The following CDK13 variants were observed in gnomAD, a reference collection of about 807,000 sequenced individuals.
CDK13 encodes cyclin dependent kinase 13.
A neutral mutation model predicts 137.6 loss-of-function variants in CDK13; 40 were observed. The ratio of observed to expected loss-of-function variants is 0.29; its 90% CI spans 0.23 to 0.38. CDK13 has a LOEUF of 0.38. Ranked by LOEUF, CDK13 falls within the 10% of genes least tolerant of loss-of-function variation. CDK13 has a pLI of 1.00. For missense variants in CDK13, 1,704 were observed against 1,951.8 expected, an observed-to-expected ratio of 0.87 and a Z score of 2.39; for synonymous variants, 869 against 760.1, an observed-to-expected ratio of 1.14 and a Z score of -2.36.
intron 9 of CDK13, among the ~76,000 whole-genome samples, chr7:40,064,414 G>T (rs1416094462): frequency 2.0e-5 from 3 of 152,016 alleles, no homozygotes; most frequent in Non-Finnish European, 2.9e-5. Context: ...TTGATAGGGG[G>T]TACAGATTTA....
chr7:40,065,559 G>A (rs950729548), intron 9 of CDK13, among the ~76,000 whole-genome samples: 28 of 152,150 alleles, frequency 1.8e-4, no homozygotes, highest in African/African-American at 6.5e-4. Flanking sequence ...TGGGTTGCAT[G>A]CAGCCCATGG....
intron 5 of CDK13, among the ~76,000 whole-genome samples, chr7:40,002,953 C>T (rs1389807975): frequency 6.6e-6 from 1 of 151,124 alleles, no homozygotes; most frequent in Non-Finnish European, 1.5e-5. Flanking sequence ...GTGGTACATG[C>T]CTTTGGTTCC....
At chr7:40,072,158 G>T (rs542128357) in intron 9 of CDK13, 2 of 152,098 alleles carry the variant, frequency 1.3e-5, no homozygotes, top group Admixed American at 1.3e-4. Context: ...AGAGAGTCTG[G>T]TTCTGTCACC....
intron 9 of CDK13, among the ~76,000 whole-genome samples, chr7:40,066,261 A>G (rs1786277276): frequency 6.6e-6 from 1 of 152,238 alleles, no homozygotes; most frequent in African/African-American, 2.4e-5. Flanking sequence ...CATCTTTTAG[A>G]AACCAGTACT....
intron 4 of CDK13, among the ~76,000 whole-genome samples, chr7:40,000,753 A>C (rs7809754): frequency 0.14 from 21,718 of 152,228 alleles, 5,124 homozygotes; most frequent in African/African-American, 0.49. Context: ...GCATTCCATA[A>C]AAATTAATAG....
chr7:40,075,291 G>C (rs1562761761), intron 9 of CDK13, among the ~76,000 whole-genome samples: 1 of 152,166 alleles, frequency 6.6e-6, no homozygotes, highest in Non-Finnish European at 1.5e-5. Context: ...ACCAGGCACA[G>C]ATTTTGTAAA....
At chr7:39,997,731 A>G in intron 3 of CDK13, 67 bp downstream of exon 3, 1 of 1,152,764 alleles carries the variant, frequency 8.7e-7, no homozygotes, top group Non-Finnish European at 1.3e-6. Flanking sequence ...AGAAGTTCAT[A>G]AAACACTAAA....
intron 6 of CDK13, among the ~76,000 whole-genome samples, chr7:40,047,274 A>C (rs559944013): frequency 1.3e-5 from 2 of 152,258 alleles, no homozygotes; most frequent in East Asian, 1.9e-4. Flanking sequence ...TTAGATTTGT[A>C]ACATCTTATA....
rs1159893797 is a variant in CDK13 at position 40,092,849 on chromosome 7, A to G, written c.3300A>G (p.Gln1100=). The change falls in exon 13 of 14, where the codon CAA becomes CAG. Residue 1100 remains glutamine (Q), a synonymous_variant. Transcript: ENST00000181839. ...SELAILLNLL[Q]SKTSVNMADF... is the part of the protein sequence containing the mutation. Reference sequence around the variant, plus strand: ...TGGCAATTCTACTAAACCTACTACAATCTAAAACAAGTGTTAATATGGCTG... The same window carrying G: ...TGGCAATTCTACTAAACCTACTACAGTCTAAAACAAGTGTTAATATGGCTG... 3 of 1,614,056 alleles carry G rather than the reference A, an allele frequency of 1.9e-6. No homozygotes were observed. The highest frequency in any genetic ancestry group is 2.5e-6 in the Non-Finnish European group (3 of 1,180,028).
intron 12 of CDK13, among the ~76,000 whole-genome samples, chr7:40,091,347 C>CA (rs976172321): frequency 6.0e-5 from 9 of 150,708 alleles, no homozygotes; most frequent in African/African-American, 9.8e-5. Flanking sequence ...GACTCCGTCT[C>CA]AAAAAAAATA....
rs376829645 is a variant in CDK13, at chr7:39,951,869, T to C, written c.1211+17T>C. On this transcript the variant is annotated intron_variant, in intron 1 of 13. Transcript: ENST00000181839. ...TGTGCTCAGGTGAGTTCTGCCGTTC[T>C]GCCTGTGTGTGCCTTGGCTGCGCTG... 1.5e-6 allele frequency: 2 copies of C among 1,342,670 alleles called. No individual in the cohort carries two copies. Among genetic ancestry groups the C allele is most frequent in the African/African-American group, 3.0e-5 (2 of 66,648 alleles). 83.2% of individuals were successfully genotyped at this position (1,342,670 alleles called of 1,614,324 possible).
chr7:39,985,160 C>T (rs1480204404), intron 1 of CDK13: 1 of 150,628 alleles, frequency 6.6e-6, no homozygotes, highest in East Asian at 2.0e-4. Context: ...CTTCTACTCT[C>T]TATCTCCATG....
chr7:40,033,544 A>T (rs1468560765), intron 5 of CDK13, among the ~76,000 whole-genome samples: 1 of 152,180 alleles, frequency 6.6e-6, no homozygotes, highest in Non-Finnish European at 1.5e-5. Context: ...TTATCTGGCT[A>T]GGGGTTAGGC....
intron 9 of CDK13, chr7:40,069,227 C>T (rs1016914950): frequency 2.6e-5 from 11 of 425,810 alleles, no homozygotes; most frequent in Non-Finnish European, 5.1e-5. Context: ...AGAGCGAGAC[C>T]TTGTCTCAAA....
intron 9 of CDK13, among the ~76,000 whole-genome samples, chr7:40,076,571 A>G (rs1786548956): frequency 6.6e-6 from 1 of 151,510 alleles, no homozygotes; most frequent in Non-Finnish European, 1.5e-5. Context: ...GAGGTTGTGA[A>G]AATTGGACTT....
Position 40,047,869 on chromosome 7 carries a change from A to G in CDK13, c.2592A>G (p.Ser864=), listed in dbSNP as rs763085643. The change falls in exon 7 of 14, where the codon TCA becomes TCG. Residue 864 remains serine, a synonymous_variant. Transcript: ENST00000181839. ...TTGGACTTGCTCGATTGTATAGCTC[A>G]GAAGAAAGGTAAGCATACCTTCAAA... ...ADFGLARLYS[S]EESRPYTNKV... is the part of the protein sequence containing the mutation. The G allele has an allele frequency of 6.2e-7, 1 of 1,606,086 alleles. No homozygotes were observed. The highest frequency in any genetic ancestry group is 8.5e-7 in the Non-Finnish European group (1 of 1,173,144).
intron 1 of CDK13, among the ~76,000 whole-genome samples, chr7:39,960,404 C>A (rs1020945214): frequency 6.6e-6 from 1 of 151,754 alleles, no homozygotes; most frequent in South Asian, 2.1e-4. Flanking sequence ...TACAGGCGCC[C>A]GTCACCACGC....
At chr7:40,003,311 A>G (rs1336351131) in intron 5 of CDK13, among the ~76,000 whole-genome samples, 2 of 152,090 alleles carry the variant, frequency 1.3e-5, no homozygotes, top group African/African-American at 4.8e-5. Context: ...AAAGTACAAT[A>G]TGGAGTTCAG....
At chr7:40,072,401 C>G (rs572487416) in intron 9 of CDK13, 23 of 152,246 alleles carry the variant, frequency 1.5e-4, no homozygotes, top group African/African-American at 5.5e-4. Flanking sequence ...GCTGGAGTTA[C>G]AGGCATGAGC....
Sources: allele counts gnomAD v4.1 joint callset (sites outside exome capture counted in the v4.1 genomes callset), GRCh38; gene constraint gnomAD v4.1.1; transcripts MANE v1.5; gene names NCBI Gene and HGNC (gene_info 2026-07-23, HGNC 2026-07-21).